Variants in UMAD1 observed in about 807,000 individuals in gnomAD.
UMAD1 encodes UBAP1-MVB12-associated (UMA) domain containing 1, also known as UBAP1-MVB12-associated (UMA)-domain containing protein 1.
UMAD1 carries 8 observed loss-of-function variants against 6.1 expected under a neutral mutation model. The ratio of observed to expected loss-of-function variants is 1.30; its 90% CI spans 0.76 to 2.35. The LOEUF is 2.35. Ranked by LOEUF, UMAD1 falls within the 30% of genes most tolerant of loss-of-function variation. The pLI, the probability that UMAD1 is intolerant of heterozygous loss-of-function variation, is 0.00. For synonymous variants in UMAD1, 56 were observed against 31.4 expected (o/e 1.78, Z -2.61); for missense variants, 130 against 78.4 (o/e 1.66, Z -2.49).
intron 2 of UMAD1, among the ~76,000 whole-genome samples, chr7:7,688,694 T>C (rs761130998): frequency 3.6e-4 from 55 of 152,216 alleles, no homozygotes; most frequent in Non-Finnish European, 5.9e-4. Context: ...TGTTTTGTAA[T>C]GTTATTTACG....
chr7:7,739,771 C>T (rs1294844769), intron 2 of UMAD1, among the ~76,000 whole-genome samples: 1 of 152,144 alleles, frequency 6.6e-6, no homozygotes, highest in Non-Finnish European at 1.5e-5. Context: ...TTTGATTTTT[C>T]ACTTTGTAAT....
intron 3 of UMAD1, among the ~76,000 whole-genome samples, chr7:7,815,592 C>G (rs944538921): frequency 6.6e-6 from 1 of 152,112 alleles, no homozygotes; most frequent in African/African-American, 2.4e-5. Flanking sequence ...TGCAAGTTAG[C>G]TATTGCAGCT....
At chr7:7,847,419 T>C (rs1783824681) in intron 3 of UMAD1, among the ~76,000 whole-genome samples, 1 of 151,854 alleles carries the variant, frequency 6.6e-6, no homozygotes, top group Admixed American at 6.6e-5. Context: ...ACATGCTCAG[T>C]TACCCTGGCT....
rs534442517 is a variant in UMAD1, at chr7:7,655,203, GC to G, written c.-64+14384del. 3.7e-3 allele frequency among the ~76,000 whole-genome samples: 565 copies of G among 152,226 alleles called. 3 individuals carry two copies. Among genetic ancestry groups the G allele is most frequent in the Non-Finnish European group, 6.4e-3 (433 of 68,010 alleles). ...CTGCTCTCCATGGCAGACAGAGCCA[GC>G]CATTAAAAGTCATCCAGTCGTGGGA... On this transcript the variant is annotated intron_variant, in intron 1 of 3. Coordinates refer to ENST00000682710, the MANE Select transcript of UMAD1 (RefSeq NM_001302348.2).
At chr7:7,876,759 T>C (rs1784427380) in intron 3 of UMAD1, among the ~76,000 whole-genome samples, 1 of 152,190 alleles carries the variant, frequency 6.6e-6, no homozygotes, top group Non-Finnish European at 1.5e-5. Flanking sequence ...ATATGCCAGA[T>C]AGACTGCTTG....
intron 2 of UMAD1, among the ~76,000 whole-genome samples, chr7:7,723,272 T>C (rs1781083951): frequency 6.6e-6 from 1 of 152,076 alleles, no homozygotes; most frequent in Admixed American, 6.6e-5. Flanking sequence ...ATTAAGGGTG[T>C]GGGATAATGG....
chr7:7,746,528 T>C (rs953606011), intron 2 of UMAD1, among the ~76,000 whole-genome samples: 9 of 152,254 alleles, frequency 5.9e-5, no homozygotes, highest in Non-Finnish European at 1.5e-5. Flanking sequence ...TGCTTAAATA[T>C]GTGCATGTAG....
At chr7:7,659,844 C>T (rs927729765) in intron 1 of UMAD1, among the ~76,000 whole-genome samples, 1 of 152,064 alleles carries the variant, frequency 6.6e-6, no homozygotes, top group African/African-American at 2.4e-5. Flanking sequence ...AAGTTCAAGT[C>T]CTGAATATCC....
In UMAD1 at chr7:7,827,141, A is replaced by ATGTGTGTGTG. The variant is rs1439982206; in HGVS notation, c.156+25399_156+25400insGTGTGTGTGT. On this transcript the variant is annotated intron_variant, in intron 3 of 3. Coordinates refer to ENST00000682710, the MANE Select transcript of UMAD1 (RefSeq NM_001302348.2). ...GTCCAGGATATATATATATATATAT[A>ATGTGTGTGTG]TATATATGTGTGTGTGTGTGTGTGT... 6.0e-3 allele frequency among the ~76,000 whole-genome samples: 814 copies of ATGTGTGTGTG among 134,926 alleles called. 4 individuals carry two copies. Among genetic ancestry groups the ATGTGTGTGTG allele is most frequent in the African/African-American group, 0.017 (577 of 34,536 alleles). 88.5% of individuals were successfully genotyped at this position (134,926 alleles called of 152,430 possible).
chr7:7,802,504 GCTCT>G (rs1484593390), intron 3 of UMAD1, among the ~76,000 whole-genome samples: 2 of 152,146 alleles, frequency 1.3e-5, no homozygotes, highest in Non-Finnish European at 2.9e-5. Context: ...AAAACTATTT[GCTCT>G]CTAAGAGTTT....
intron 3 of UMAD1, among the ~76,000 whole-genome samples, chr7:7,861,978 G>A (rs1302319800): frequency 1.3e-5 from 2 of 152,090 alleles, no homozygotes; most frequent in African/African-American, 4.8e-5. Flanking sequence ...TGAAATAACT[G>A]TATTCATTGT....
chr7:7,797,522 T>G (rs567387277), intron 2 of UMAD1, among the ~76,000 whole-genome samples: 1 of 152,130 alleles, frequency 6.6e-6, no homozygotes, highest in Non-Finnish European at 1.5e-5. Flanking sequence ...ATTTGGTTCT[T>G]CTCCCATCAC....
intron 3 of UMAD1, among the ~76,000 whole-genome samples, chr7:7,823,033 C>T (rs1783270626): frequency 6.6e-6 from 1 of 151,922 alleles, no homozygotes; most frequent in African/African-American, 2.4e-5. Context: ...TTTTAATATT[C>T]TGTTTTATTG....
chr7:7,815,325 C>T (rs950310632), intron 3 of UMAD1, among the ~76,000 whole-genome samples: 1 of 151,946 alleles, frequency 6.6e-6, no homozygotes, highest in Non-Finnish European at 1.5e-5. Context: ...CTGATGTATA[C>T]TAGATACTCA....
intron 1 of UMAD1, among the ~76,000 whole-genome samples, chr7:7,664,941 C>T (rs1201264768): frequency 6.6e-6 from 1 of 152,088 alleles, no homozygotes; most frequent in East Asian, 1.9e-4. Context: ...TTTAATTTTT[C>T]AGCACTGTGA....
intron 2 of UMAD1, among the ~76,000 whole-genome samples, chr7:7,788,090 A>G (rs983567239): frequency 6.6e-6 from 1 of 152,218 alleles, no homozygotes; most frequent in Non-Finnish European, 1.5e-5. Context: ...GATGCTGAGA[A>G]TACTGTGGCA....
chr7:7,711,589 T>C (rs1780765456), intron 2 of UMAD1, among the ~76,000 whole-genome samples: 1 of 152,176 alleles, frequency 6.6e-6, no homozygotes, highest in Non-Finnish European at 1.5e-5. Context: ...ATTTACATTT[T>C]CTTGTTTATA....
At chr7:7,688,301 G>T (rs1362860785) in intron 2 of UMAD1, among the ~76,000 whole-genome samples, 1 of 152,172 alleles carries the variant, frequency 6.6e-6, no homozygotes, top group African/African-American at 2.4e-5. Flanking sequence ...GAGAGTTGTT[G>T]TCAGGTGGGG....
chr7:7,649,531 A>T, intron 1 of UMAD1, among the ~76,000 whole-genome samples: 1 of 152,174 alleles, frequency 6.6e-6, no homozygotes, highest in East Asian at 1.9e-4. Context: ...AGCAGGATTA[A>T]TTTCCACGTC....
Sources: gnomAD v4.1 joint callset for allele counts (sites outside exome capture counted in the v4.1 genomes callset) on GRCh38, gnomAD v4.1.1 for gene constraint, MANE v1.5 for transcripts, NCBI Gene and HGNC (gene_info 2026-07-23, HGNC 2026-07-21) for gene names.